Variants in NDUFA10 observed in about 807,000 individuals in gnomAD.
The protein encoded by NDUFA10 is NADH dehydrogenase [ubiquinone] 1 alpha subcomplex subunit 10, mitochondrial.
NDUFA10 carries 40 observed loss-of-function variants against 47.8 expected under a neutral mutation model. That is an observed-to-expected ratio of 0.84 (90% confidence interval 0.65 to 1.09). The LOEUF (loss-of-function observed/expected upper bound fraction) is 1.09. Ranked by LOEUF, NDUFA10 falls within the 50% of genes least tolerant of loss-of-function variation. The pLI is 0.00. For synonymous variants in NDUFA10, 183 were observed against 172.2 expected (o/e 1.06, Z -0.49); for missense variants, 413 against 451.1 (o/e 0.92, Z 0.76).
intron 8 of NDUFA10, among the ~76,000 whole-genome samples, chr2:240,003,401 G>A (rs4149545): frequency 4.6e-5 from 7 of 152,112 alleles, no homozygotes; most frequent in African/African-American, 1.4e-4. Flanking sequence ...TGAGTGCCCC[G>A]GCCATCCTTG....
At chr2:239,997,085 C>T in intron 8 of NDUFA10, among the ~76,000 whole-genome samples, 1 of 149,118 alleles carries the variant, frequency 6.7e-6, no homozygotes, top group East Asian at 1.9e-4. Context: ...TGGCTTTTTT[C>T]CCAAATATTT....
chr2:239,979,071 AC>A (rs1267902502), intron 9 of NDUFA10, among the ~76,000 whole-genome samples: 1 of 152,186 alleles, frequency 6.6e-6, no homozygotes, highest in Non-Finnish European at 1.5e-5. Flanking sequence ...CCAGCGTCAC[AC>A]CACTCCCTGA....
intron 6 of NDUFA10, among the ~76,000 whole-genome samples, chr2:240,009,678 GGA>G (rs1350498487): frequency 5.9e-5 from 9 of 152,188 alleles, no homozygotes; most frequent in Non-Finnish European, 1.0e-4. Context: ...CTCAAAGACA[GGA>G]GACACAGAAC....
intron 4 of NDUFA10, among the ~76,000 whole-genome samples, chr2:239,922,123 T>G (rs1694000449): frequency 6.8e-6 from 1 of 148,058 alleles, no homozygotes; most frequent in African/African-American, 2.5e-5. Context: ...CCTTCCATTT[T>G]CCCCTCAATT....
At chr2:240,023,618 T>C (rs367676988) in intron 1 of NDUFA10, among the ~76,000 whole-genome samples, 4 of 152,158 alleles carry the variant, frequency 2.6e-5, no homozygotes, top group African/African-American at 4.8e-5. Context: ...AACGGAGGAA[T>C]AGTTAAACAA....
At chr2:239,926,335 C>G (rs1694065279) in intron 4 of NDUFA10, among the ~76,000 whole-genome samples, 1 of 152,182 alleles carries the variant, frequency 6.6e-6, no homozygotes, top group African/African-American at 2.4e-5. Flanking sequence ...TACAATGCTT[C>G]AGTCAACAAC....
rs145523562 is a variant in NDUFA10, at chr2:239,942,270, T to G, written c.295-46956A>C. 1.7e-3 allele frequency among the ~76,000 whole-genome samples: 260 copies of G among 152,360 alleles called. 2 individuals carry two copies. Among genetic ancestry groups the G allele is most frequent in the African/African-American group, 6.2e-3 (259 of 41,582 alleles). On this transcript the variant is annotated intron_variant, in intron 4 of 5. Coordinates refer to the NDUFA10 transcript ENST00000419408. ...CGCGGTAGTGTGCGCTGCAATCACC[T>G]TGCTAAACACAGATGCTGCTGGGGC...
intron 4 of NDUFA10, among the ~76,000 whole-genome samples, chr2:239,942,864 G>A (rs552642493): frequency 2.6e-5 from 4 of 152,262 alleles, no homozygotes; most frequent in East Asian, 3.9e-4. Context: ...GCAAAGGCTC[G>A]TCTTCCCCTC....
chr2:239,943,352 A>G (rs1694392489), intron 4 of NDUFA10, among the ~76,000 whole-genome samples: 1 of 151,706 alleles, frequency 6.6e-6, no homozygotes, highest in Non-Finnish European at 1.5e-5. Flanking sequence ...TTTTTTTGAG[A>G]TGGGGTCTCA....
chr2:239,955,494 C>A (rs1694635551), downstream of NDUFA10, among the ~76,000 whole-genome samples: 1 of 152,200 alleles, frequency 6.6e-6, no homozygotes, highest in African/African-American at 2.4e-5. Context: ...TGCAGAATGA[C>A]CAGTTGCTCA....
chr2:239,983,406 C>T, intron 9 of NDUFA10: 5 of 1,437,410 alleles, frequency 3.5e-6, no homozygotes, highest in Non-Finnish European at 4.6e-6. Context: ...TATGAATTTC[C>T]AGAAATGGTC....
chr2:240,017,691 T>A, intron 4 of NDUFA10: 2 of 734,836 alleles, frequency 2.7e-6, no homozygotes, highest in Non-Finnish European at 4.7e-6. Flanking sequence ...CCAGGGAGGA[T>A]CAGCCCCTAT....
intron 9 of NDUFA10, among the ~76,000 whole-genome samples, chr2:239,965,789 AAAG>A (rs1422894509): frequency 6.6e-6 from 1 of 152,212 alleles, no homozygotes; most frequent in East Asian, 1.9e-4. Context: ...TTAAGGAGCA[AAAG>A]AAGAAAGAGC....
At chr2:239,972,672 G>A (rs922932362) in intron 9 of NDUFA10, among the ~76,000 whole-genome samples, 1 of 152,048 alleles carries the variant, frequency 6.6e-6, no homozygotes, top group Non-Finnish European at 1.5e-5. Context: ...TTGAAAATGT[G>A]TGTTCTATTT....
At chr2:239,902,079 T>G (rs1483767756) in intron 4 of NDUFA10, among the ~76,000 whole-genome samples, 1 of 152,220 alleles carries the variant, frequency 6.6e-6, no homozygotes, top group African/African-American at 2.4e-5. Context: ...ATTCTGAATA[T>G]TACATAAACT....
intron 8 of NDUFA10, among the ~76,000 whole-genome samples, chr2:239,999,765 C>T (rs1209326634): frequency 2.0e-5 from 3 of 152,228 alleles, no homozygotes; most frequent in Non-Finnish European, 4.4e-5. Context: ...GGAAATGTTA[C>T]GGCAAATTCA....
intron 3 of NDUFA10, among the ~76,000 whole-genome samples, chr2:240,019,993 C>T (rs1038189416): frequency 9.2e-5 from 14 of 152,120 alleles, no homozygotes; most frequent in South Asian, 2.1e-4. Flanking sequence ...TCAGGGTTTA[C>T]GTTCATATAA....
chr2:239,904,286 ATTAT>A (rs1018857371), intron 4 of NDUFA10, among the ~76,000 whole-genome samples: 7 of 151,812 alleles, frequency 4.6e-5, no homozygotes, highest in East Asian at 1.9e-4. Context: ...TTAGTTATTT[ATTAT>A]TTATTTATTC....
intron 8 of NDUFA10, among the ~76,000 whole-genome samples, chr2:239,991,929 T>C (rs765203077): frequency 6.6e-5 from 10 of 152,220 alleles, no homozygotes; most frequent in Admixed American, 6.5e-5. Flanking sequence ...ACATTACATG[T>C]AGTCCCGGAA....
Sources: allele counts gnomAD v4.1 joint callset (sites outside exome capture counted in the v4.1 genomes callset), GRCh38; gene constraint gnomAD v4.1.1; transcripts MANE v1.5; gene names NCBI Gene and HGNC (gene_info 2026-07-23, HGNC 2026-07-21).